PREX2: variants seen among roughly 807,000 people sequenced by gnomAD.
PREX2 encodes phosphatidylinositol-3,4,5-trisphosphate dependent Rac exchange factor 2.
Under a neutral mutation model 203.2 loss-of-function variants are expected in PREX2, and 107 were observed. The observed-to-expected ratio is 0.53, with a 90% CI of 0.45 to 0.62. The LOEUF (loss-of-function observed/expected upper bound fraction) is 0.62, where lower values mean the gene tolerates loss of function less well. Ranked by LOEUF, PREX2 falls within the 20% of genes least tolerant of loss-of-function variation. The probability of loss-of-function intolerance (pLI) is 0.00; values close to 1 mark genes in which losing one functional copy is unlikely to be tolerated. For missense variants in PREX2, 1,777 were observed against 1,955.9 expected (o/e 0.91, Z 1.72); for synonymous variants, 672 against 663.6 (o/e 1.01, Z -0.19).
intron 1 of PREX2, among the ~76,000 whole-genome samples, chr8:67,965,864 A>C (rs539805789): frequency 1.6e-4 from 25 of 152,308 alleles, no homozygotes; most frequent in Non-Finnish European, 2.5e-4. Flanking sequence ...AAAAGGAATC[A>C]TGTTATTCAT....
intron 38 of PREX2, among the ~76,000 whole-genome samples, chr8:68,219,857 C>A (rs1462938683): frequency 6.6e-6 from 1 of 152,204 alleles, no homozygotes; most frequent in African/African-American, 2.4e-5. Context: ...AAGTCTGAAT[C>A]AAAGGTCTAG....
At position 68,216,803 on chromosome 8, in the gene PREX2, A is replaced by G. The variant is rs568813669; in HGVS notation, c.4605-813A>G. On this transcript the variant is annotated intron_variant, in intron 37 of 39. Transcript: ENST00000288368. ...AAACCCCATATCTACTAAAAATACA[A>G]AAATTAGCTGGGTGTGGTGGCATGC... Among the ~76,000 whole-genome samples, 23 of 152,204 alleles carry G rather than the reference A, an allele frequency of 1.5e-4. 1 individual carries two copies. In the South Asian group the frequency reaches 4.4e-3, roughly 29 times the overall value.
rs568916503 is a variant in PREX2 at position 68,123,624 on chromosome 8, A to G, written c.3724+2575A>G. 2.6e-5 allele frequency among the ~76,000 whole-genome samples: 4 copies of G among 152,128 alleles called. No homozygotes were observed. The South Asian group carries it at 8.3e-4, about 32-fold the overall frequency. ...GCATTTACACATAAATACCATAACT[A>G]TGGACACCTCTATGCACATAAACTA... On this transcript the variant is annotated intron_variant, in intron 30 of 39. Coordinates refer to ENST00000288368, the MANE Select transcript of PREX2 (RefSeq NM_024870.4).
Position 68,118,488 on chromosome 8 carries a change from G to A in PREX2, c.3327-62G>A, listed in dbSNP as rs1810704165. On this transcript the variant is annotated intron_variant, in intron 26 of 39. Coordinates refer to ENST00000288368, the MANE Select transcript of PREX2 (RefSeq NM_024870.4). ...TAACTGATATAAGTTTATGTCATAA[G>A]AAATTGCAGGGACACCTGGGCAGAT... is the stretch of plus-strand genomic sequence containing the variant. The A allele has an allele frequency of 4.8e-6, 5 of 1,033,292 alleles. No homozygotes were observed. The Admixed American group carries it at 5.5e-5, about 11-fold the overall frequency. The allele number at this position is 1,033,292 out of a possible 1,614,324, so 64.0% of individuals were successfully genotyped here. A position where few individuals can be genotyped will look rare whatever the true frequency, so the allele number is the denominator to read the frequency against.
chr8:68,014,677 CTGAAT>C (rs1807362935), intron 1 of PREX2, among the ~76,000 whole-genome samples: 1 of 152,178 alleles, frequency 6.6e-6, no homozygotes. Context: ...CTGTTTAACA[CTGAAT>C]TGAAAGTCAA....
intron 8 of PREX2, among the ~76,000 whole-genome samples, chr8:68,048,159 C>G (rs1808424554): frequency 6.6e-6 from 1 of 151,968 alleles, no homozygotes; most frequent in African/African-American, 2.4e-5. Flanking sequence ...CTCAGTGAAT[C>G]TAAGTTATTC....
intron 31 of PREX2, among the ~76,000 whole-genome samples, chr8:68,128,475 G>C (rs772460584): frequency 3.3e-5 from 5 of 152,100 alleles, no homozygotes; most frequent in Non-Finnish European, 5.9e-5. Flanking sequence ...AGGTTTTATT[G>C]ATCTTGGCTG....
intron 1 of PREX2, among the ~76,000 whole-genome samples, chr8:67,991,643 C>T (rs1458642736): frequency 1.3e-5 from 2 of 152,148 alleles, no homozygotes; most frequent in South Asian, 2.1e-4. Flanking sequence ...ATTACCTCCA[C>T]CTGGTCTCTC....
intron 11 of PREX2, among the ~76,000 whole-genome samples, chr8:68,068,740 A>G (rs554245080): frequency 2.0e-5 from 3 of 152,214 alleles, no homozygotes; most frequent in Admixed American, 1.3e-4. Context: ...ACCTTTATAC[A>G]TACTATATAC....
chr8:68,177,435 C>T (rs1030817633), intron 35 of PREX2, among the ~76,000 whole-genome samples: 1 of 152,104 alleles, frequency 6.6e-6, no homozygotes, highest in Non-Finnish European at 1.5e-5. Flanking sequence ...CATGGGGGCA[C>T]ATGCCTATAG....
chr8:68,194,008 A>T (rs1294666986), intron 37 of PREX2, among the ~76,000 whole-genome samples: 1 of 152,210 alleles, frequency 6.6e-6, no homozygotes, highest in African/African-American at 2.4e-5. Context: ...ATTGCTGTGT[A>T]CTTTGCTCTC....
chr8:68,059,254 GTC>G (rs1808770958), intron 10 of PREX2, among the ~76,000 whole-genome samples: 1 of 151,850 alleles, frequency 6.6e-6, no homozygotes, highest in South Asian at 2.1e-4. Context: ...TTTGTAAAAT[GTC>G]TCTGTATTTA....
chr8:67,976,836 A>G (rs1332287140), intron 1 of PREX2, among the ~76,000 whole-genome samples: 1 of 152,078 alleles, frequency 6.6e-6, no homozygotes, highest in African/African-American at 2.4e-5. Context: ...AGAGAAGCCA[A>G]GGTAACACCA....
At chr8:68,217,236 C>A (rs984345775) in intron 37 of PREX2, among the ~76,000 whole-genome samples, 7 of 152,148 alleles carry the variant, frequency 4.6e-5, no homozygotes, top group African/African-American at 1.7e-4. Flanking sequence ...CAGTATAAAT[C>A]TATTAACTAT....
At chr8:68,165,287 C>A (rs1043339226) in intron 35 of PREX2, among the ~76,000 whole-genome samples, 1 of 152,038 alleles carries the variant, frequency 6.6e-6, no homozygotes, top group African/African-American at 2.4e-5. Flanking sequence ...ATTCATTTCC[C>A]CATTTTAGAC....
At chr8:68,011,441 A>C (rs1042403251) in intron 1 of PREX2, among the ~76,000 whole-genome samples, 1 of 151,716 alleles carries the variant, frequency 6.6e-6, no homozygotes, top group Non-Finnish European at 1.5e-5. Context: ...TTAAAAAAAA[A>C]CAACATTACT....
chr8:67,976,643 ACAGAGAGAGAGAGACGG>A (rs1402376499), intron 1 of PREX2, among the ~76,000 whole-genome samples: 5 of 94,016 alleles, frequency 5.3e-5, no homozygotes, highest in East Asian at 5.1e-4. Flanking sequence ...CGGGAGAGAG[ACAGAGAGAGAGAGACGG>A]GAGAGAGACA....
At chr8:68,130,400 T>G (rs1810983535) in intron 31 of PREX2, among the ~76,000 whole-genome samples, 1 of 152,132 alleles carries the variant, frequency 6.6e-6, no homozygotes, top group South Asian at 2.1e-4. Flanking sequence ...GAAAAAGACC[T>G]GGATATTTTT....
intron 25 of PREX2, 49 bp from the exon 26 acceptor site, chr8:68,115,704 A>G: frequency 7.3e-7 from 1 of 1,368,124 alleles, no homozygotes; most frequent in South Asian, 1.4e-5. Flanking sequence ...GTAGTTATAT[A>G]TAGCAGACAG....
Sources: gnomAD v4.1 joint callset for allele counts (sites outside exome capture counted in the v4.1 genomes callset) on GRCh38, gnomAD v4.1.1 for gene constraint, MANE v1.5 for transcripts, NCBI Gene and HGNC (gene_info 2026-07-23, HGNC 2026-07-21) for gene names.